Variants in CNTNAP2 observed in about 807,000 individuals in gnomAD.
CNTNAP2 encodes the protein contactin associated protein 2, also known as contactin-associated protein-like 2.
A neutral mutation model predicts 155.2 loss-of-function variants in CNTNAP2; 98 were observed. The observed-to-expected ratio is 0.63, with a 90% confidence interval of 0.54 to 0.75. CNTNAP2 has a LOEUF of 0.75. CNTNAP2 is among the 30% of genes least tolerant of loss of function. The probability of loss-of-function intolerance (pLI) is 0.00; values close to 1 mark genes in which losing one functional copy is unlikely to be tolerated. For synonymous variants in CNTNAP2, 651 were observed against 631.2 expected (o/e 1.03, Z -0.47); for missense variants, 1,727 against 1,688.1 (o/e 1.02, Z -0.40).
intron 8 of CNTNAP2, among the ~76,000 whole-genome samples, chr7:147,265,404 G>C (rs1304442460): frequency 6.6e-6 from 1 of 152,052 alleles, no homozygotes; most frequent in African/African-American, 2.4e-5. Context: ...TGGCCCAACT[G>C]CCTCTTTAGG....
chr7:147,948,853 T>C (rs186223807), intron 14 of CNTNAP2, among the ~76,000 whole-genome samples: 2 of 152,180 alleles, frequency 1.3e-5, no homozygotes, highest in Admixed American at 6.5e-5. Flanking sequence ...TTGTATGTTA[T>C]GTATATTATA....
intron 13 of CNTNAP2, among the ~76,000 whole-genome samples, chr7:147,717,049 C>G (rs994150028): frequency 1.3e-5 from 2 of 151,800 alleles, no homozygotes; most frequent in African/African-American, 2.4e-5. Flanking sequence ...ATTTTGACAA[C>G]AATATCAGTG....
Position 147,663,241 on chromosome 7 carries a change from C to A in CNTNAP2, c.2098+23935C>A, listed in dbSNP as rs576062779. On this transcript the variant is annotated intron_variant, in intron 13 of 23. Transcript: ENST00000361727. ...TCCAACCCTTGACCTCGTGATCCAC[C>A]CGCCTTGGCCTCCCAACGTGCTGGG... Among the ~76,000 whole-genome samples the A allele has an allele frequency of 3.9e-5, 6 of 152,334 alleles. No individual in the cohort carries two copies. The East Asian group carries it at 9.7e-4, about 25-fold the overall frequency.
intron 4 of CNTNAP2, among the ~76,000 whole-genome samples, chr7:147,059,288 G>A (rs887128874): frequency 1.3e-5 from 2 of 152,142 alleles, no homozygotes; most frequent in Admixed American, 6.5e-5. Flanking sequence ...TGGTTTGGAG[G>A]ATGTTTTATT....
At chr7:146,619,088 AG>A (rs945433384) in intron 1 of CNTNAP2, among the ~76,000 whole-genome samples, 2 of 151,894 alleles carry the variant, frequency 1.3e-5, no homozygotes, top group African/African-American at 4.8e-5. Flanking sequence ...AAAAAAAAAA[AG>A]TGAAATTTCT....
intron 14 of CNTNAP2, among the ~76,000 whole-genome samples, chr7:147,955,374 A>G (rs1217462566): frequency 6.6e-6 from 1 of 152,228 alleles, no homozygotes; most frequent in African/African-American, 2.4e-5. Context: ...TTAGCATAAC[A>G]TGCTTTTATT....
At chr7:146,845,879 G>A (rs1020534419) in intron 3 of CNTNAP2, among the ~76,000 whole-genome samples, 6 of 152,118 alleles carry the variant, frequency 3.9e-5, no homozygotes, top group African/African-American at 1.4e-4. Flanking sequence ...CATCATGATG[G>A]CCTTGTGTCC....
intron 8 of CNTNAP2, among the ~76,000 whole-genome samples, chr7:147,225,780 A>AAGGAAGGAAGGT (rs1563123670): frequency 7.6e-6 from 1 of 132,276 alleles, no homozygotes; most frequent in African/African-American, 2.9e-5. Context: ...GGAAGGAAGG[A>AAGGAAGGAAGGT]AGGAAGGAAG....
intron 12 of CNTNAP2, among the ~76,000 whole-genome samples, chr7:147,627,436 G>T (rs1005529076): frequency 6.6e-6 from 1 of 152,036 alleles, no homozygotes. Context: ...GGTGGCTCAC[G>T]CCTGAAATCC....
intron 3 of CNTNAP2, among the ~76,000 whole-genome samples, chr7:146,965,232 C>T (rs900714245): frequency 6.6e-6 from 1 of 152,006 alleles, no homozygotes; most frequent in Non-Finnish European, 1.5e-5. Flanking sequence ...ATGGAGACTG[C>T]CCTGTAGAGA....
At chr7:146,612,849 C>A (rs1162118207) in intron 1 of CNTNAP2, among the ~76,000 whole-genome samples, 1 of 150,980 alleles carries the variant, frequency 6.6e-6, no homozygotes, top group East Asian at 1.9e-4. Context: ...TCCATCAGCT[C>A]ATTTAAAAAC....
chr7:147,365,918 C>T (rs1796222637), intron 9 of CNTNAP2, among the ~76,000 whole-genome samples: 1 of 152,076 alleles, frequency 6.6e-6, no homozygotes, highest in South Asian at 2.1e-4. Context: ...GAATTATTTG[C>T]CAGTCTGTTC....
chr7:147,912,635 C>T (rs1585024613), intron 14 of CNTNAP2, among the ~76,000 whole-genome samples: 1 of 152,314 alleles, frequency 6.6e-6, no homozygotes, highest in East Asian at 1.9e-4. Flanking sequence ...GGCAGGAGCC[C>T]AGCCCCTGAG....
intron 3 of CNTNAP2, among the ~76,000 whole-genome samples, chr7:146,864,181 A>T (rs2129205806): frequency 6.6e-6 from 1 of 152,210 alleles, no homozygotes; most frequent in Admixed American, 6.5e-5. Context: ...TTAGAGATCT[A>T]TATTTATAAT....
At chr7:146,695,852 C>G (rs1335050205) in intron 1 of CNTNAP2, among the ~76,000 whole-genome samples, 2 of 152,116 alleles carry the variant, frequency 1.3e-5, no homozygotes, top group Non-Finnish European at 2.9e-5. Context: ...GGTTATTTAT[C>G]AGGTTTTGAA....
intron 1 of CNTNAP2, among the ~76,000 whole-genome samples, chr7:146,693,305 AATTAGATGT>A (rs1800728490): frequency 8.6e-5 from 13 of 152,040 alleles, no homozygotes; most frequent in Admixed American, 8.5e-4. Context: ...TGATGTTATG[AATTAGATGT>A]CTTATTTTTT....
chr7:146,936,300 A>G (rs1796912304), intron 3 of CNTNAP2, among the ~76,000 whole-genome samples: 1 of 152,172 alleles, frequency 6.6e-6, no homozygotes, highest in African/African-American at 2.4e-5. Flanking sequence ...TAATCAAGCT[A>G]AGACTTTAAG....
chr7:146,605,864 C>G (rs1389096542), intron 1 of CNTNAP2, among the ~76,000 whole-genome samples: 1 of 152,062 alleles, frequency 6.6e-6, no homozygotes, highest in African/African-American at 2.4e-5. Context: ...AAGTGCTGAG[C>G]TAACTTCTTC....
chr7:146,325,595 T>C (rs1801084216), intron 1 of CNTNAP2, among the ~76,000 whole-genome samples: 1 of 151,824 alleles, frequency 6.6e-6, no homozygotes, highest in Non-Finnish European at 1.5e-5. Flanking sequence ...CACGCCCCCC[T>C]ATACACACAC....
Sources: gnomAD v4.1 joint callset for allele counts (sites outside exome capture counted in the v4.1 genomes callset) on GRCh38, gnomAD v4.1.1 for gene constraint, MANE v1.5 for transcripts, NCBI Gene and HGNC (gene_info 2026-07-23, HGNC 2026-07-21) for gene names.